Variants in ABHD5 observed in about 807,000 individuals in gnomAD.
ABHD5 encodes 1-acylglycerol-3-phosphate O-acyltransferase ABHD5.
In ABHD5, 30 loss-of-function variants were observed where a neutral mutation model predicts 44.9. That is an observed-to-expected ratio of 0.67 (90% CI 0.50 to 0.91). ABHD5 has a LOEUF of 0.91. Among genes scored for constraint, ABHD5 ranks in the 40% least tolerant of loss-of-function variants. The pLI, the probability that ABHD5 is intolerant of heterozygous loss-of-function variation, is 0.00. For synonymous variants in ABHD5, 167 were observed against 147.0 expected, an observed-to-expected ratio of 1.14 and a Z score of -0.99; for missense variants, 399 against 423.4, an observed-to-expected ratio of 0.94 and a Z score of 0.50.
chr3:43,722,804 T>G (rs910666146), downstream of ABHD5: 3 of 152,224 alleles, frequency 2.0e-5, no homozygotes, highest in Non-Finnish European at 2.9e-5. Context: ...TATTTACTTG[T>G]GTCATTGGAA....
intron 5 of ABHD5, 23 bp downstream of exon 5, chr3:43,715,081 C>T (rs2084745248): frequency 7.3e-7 from 1 of 1,361,224 alleles, no homozygotes; most frequent in South Asian, 1.2e-5. Context: ...ATTCTCAATT[C>T]ACTCTGTGTG....
At chr3:43,703,790 C>T (rs1331002048) in intron 3 of ABHD5, among the ~76,000 whole-genome samples, 1 of 152,084 alleles carries the variant, frequency 6.6e-6, no homozygotes, top group Non-Finnish European at 1.5e-5. Flanking sequence ...GGTGTGTGTT[C>T]AACACAGAAT....
chr3:43,692,109 A>AT (rs2084400750), intron 1 of ABHD5, among the ~76,000 whole-genome samples: 1 of 152,164 alleles, frequency 6.6e-6, no homozygotes, highest in Non-Finnish European at 1.5e-5. Context: ...TATATATTTA[A>AT]TTTTTTGACG....
chr3:43,716,634 G>T lies in ABHD5; in HGVS notation c.774-1037G>T, dbSNP rs558479717. Among the ~76,000 whole-genome samples the T allele has an allele frequency of 2.2e-4, 34 of 152,298 alleles. No individual in the cohort carries two copies. The South Asian group carries it at 4.8e-3, about 21-fold the overall frequency. On this transcript the variant is annotated intron_variant, in intron 5 of 6. Coordinates refer to ENST00000644371, the MANE Select transcript of ABHD5 (RefSeq NM_016006.6). ...GGCTAGAGGTTCAAGGTCTTCAAGA[G>T]ATTGAGGTTTTGTGAATTGCTAGGC...
At chr3:43,725,162 A>G (rs1406255102), downstream of ABHD5, among the ~76,000 whole-genome samples, 2 of 152,166 alleles carry the variant, frequency 1.3e-5, no homozygotes, top group African/African-American at 4.8e-5. Context: ...ACTAAGAAAC[A>G]CAGCCCCAAT....
chr3:43,697,416 A>G (rs1023951910), intron 1 of ABHD5, among the ~76,000 whole-genome samples: 4 of 152,082 alleles, frequency 2.6e-5, no homozygotes, highest in African/African-American at 7.2e-5. Context: ...GTTTAAGACA[A>G]TGGATGAGAT....
At chr3:43,691,098 G>T in intron 1 of ABHD5, 59 bp downstream of exon 1, 1 of 1,472,318 alleles carries the variant, frequency 6.8e-7, no homozygotes, top group Non-Finnish European at 9.0e-7. Flanking sequence ...CGCGCGGGCC[G>T]GGTTAGGGCC....
chr3:43,699,508 C>T (rs2084513716), intron 2 of ABHD5, 147 bp downstream of exon 2: 5 of 824,236 alleles, frequency 6.1e-6, no homozygotes, highest in African/African-American at 3.4e-5. Context: ...TTAGAAAGTA[C>T]AGAAATGAAT....
At chr3:43,691,500 C>T (rs902602571) in intron 1 of ABHD5, 7 of 153,150 alleles carry the variant, frequency 4.6e-5, no homozygotes, top group African/African-American at 1.2e-4. Flanking sequence ...ATCGCGGCTT[C>T]CGTCTACAGG....
At position 43,708,361 on chromosome 3, in the gene ABHD5, A is replaced by C. The variant is rs144775654; in HGVS notation, c.507-3348A>C. Among the ~76,000 whole-genome samples, 161 of 152,324 alleles carry C rather than the reference A, an allele frequency of 1.1e-3. 2 individuals are homozygous for C. The East Asian group carries it at 0.027, about 26-fold the overall frequency. ...GAATATTAAAGAGTAGGGTTTAGCT[A>C]ATTATAATAATTTAGATGTACATTA... is the stretch of plus-strand genomic sequence containing the variant. On this transcript the variant is annotated intron_variant, in intron 3 of 6. Coordinates refer to ENST00000644371, the MANE Select transcript of ABHD5 (RefSeq NM_016006.6).
At chr3:43,713,404 G>A (rs2149603426) in intron 4 of ABHD5, among the ~76,000 whole-genome samples, 1 of 152,176 alleles carries the variant, frequency 6.6e-6, no homozygotes, top group African/African-American at 2.4e-5. Flanking sequence ...GAGGCATGGG[G>A]GTGTGGAGGA....
intron 3 of ABHD5, among the ~76,000 whole-genome samples, chr3:43,705,740 T>C (rs1163120071): frequency 1.3e-5 from 2 of 152,190 alleles, no homozygotes; most frequent in Non-Finnish European, 2.9e-5. Context: ...AGCACTTCTC[T>C]TTAAATGGAG....
chr3:43,693,690 T>G (rs1159809718), intron 1 of ABHD5, among the ~76,000 whole-genome samples: 3 of 152,146 alleles, frequency 2.0e-5, no homozygotes, highest in African/African-American at 7.2e-5. Flanking sequence ...TAGGTCTTAA[T>G]GACATTTTGC....
chr3:43,729,223 A>G (rs896407443), intron 7 of ABHD5, among the ~76,000 whole-genome samples: 3 of 152,110 alleles, frequency 2.0e-5, no homozygotes, highest in Non-Finnish European at 4.4e-5. Flanking sequence ...TACGATGGGG[A>G]GCTTGATGTG....
In ABHD5 at chr3:43,721,903, A is replaced by G. The variant is rs1298497101; in HGVS notation, c.*3371A>G. On this transcript the variant is annotated 3_prime_UTR_variant, in exon 7 of 7. Coordinates refer to ENST00000644371, the MANE Select transcript of ABHD5 (RefSeq NM_016006.6). ...TAAAAAGACAAATGCAAAATAAAAT[A>G]AAATAATGGAAATACCTTTCTTACC... is the stretch of plus-strand genomic sequence containing the variant. 1 of 152,234 alleles carries G rather than the reference A, an allele frequency of 6.6e-6. No homozygotes were observed. The highest frequency in any genetic ancestry group is 1.5e-5 in the Non-Finnish European group (1 of 68,044). 9.4% of individuals were successfully genotyped at this position (152,234 alleles called of 1,614,324 possible). A position where few individuals can be genotyped will look rare whatever the true frequency, so the allele number is the denominator to read the frequency against.
intron 3 of ABHD5, among the ~76,000 whole-genome samples, chr3:43,705,825 TG>T (rs1357321657): frequency 6.6e-6 from 1 of 152,200 alleles, no homozygotes; most frequent in Non-Finnish European, 1.5e-5. Context: ...TTGGTCTTGC[TG>T]TCCACGTTTA....
chr3:43,734,014 G>A (rs1169572886), exon 8 of ABHD5: 1 of 152,222 alleles, frequency 6.6e-6, no homozygotes, highest in Non-Finnish European at 1.5e-5. Flanking sequence ...TGCTGGGCTT[G>A]GATGAATAGT....
chr3:43,693,763 T>A (rs1316784573), intron 1 of ABHD5, among the ~76,000 whole-genome samples: 1 of 151,706 alleles, frequency 6.6e-6, no homozygotes, highest in Non-Finnish European at 1.5e-5. Context: ...TTTTTTTTTT[T>A]TGCATTCTCT....
chr3:43,732,649 G>A lies in ABHD5; in HGVS notation c.*30-1231G>A, dbSNP rs569464534. Among the ~76,000 whole-genome samples the A allele has an allele frequency of 3.3e-5, 5 of 152,250 alleles. No individual in the cohort carries two copies. In the East Asian group the frequency reaches 7.7e-4, roughly 23 times the overall value. ...AAAAATTAATTTTAAATATGTAAAG[G>A]TAAGCACAATATTTAAAGGTAACTG... On this transcript the variant is annotated intron_variant, in intron 7 of 7. Coordinates refer to the ABHD5 transcript ENST00000454293.
Sources: allele counts gnomAD v4.1 joint callset (sites outside exome capture counted in the v4.1 genomes callset), GRCh38; gene constraint gnomAD v4.1.1; transcripts MANE v1.5; gene names NCBI Gene and HGNC (gene_info 2026-07-23, HGNC 2026-07-21).